PTPRD: variants seen among roughly 807,000 people sequenced by gnomAD.
PTPRD encodes receptor-type tyrosine-protein phosphatase delta.
Under a neutral mutation model 214.5 loss-of-function variants are expected in PTPRD, and 34 were observed. The ratio of observed to expected loss-of-function variants is 0.16; its 90% CI spans 0.12 to 0.21. The LOEUF (loss-of-function observed/expected upper bound fraction) is 0.21, where lower values mean the gene tolerates loss of function less well. PTPRD is among the 10% of genes least tolerant of loss of function. PTPRD has a pLI of 1.00. For synonymous variants in PTPRD, 1,128 were observed against 845.7 expected (o/e 1.33, Z -5.79); for missense variants, 2,545 against 2,398.7 (o/e 1.06, Z -1.27).
intron 9 of PTPRD, among the ~76,000 whole-genome samples, chr9:9,256,023 G>C (rs958125438): frequency 6.6e-6 from 1 of 151,946 alleles, no homozygotes; most frequent in African/African-American, 2.4e-5. Context: ...CCAGATAAAA[G>C]CATAACTTTA....
intron 3 of PTPRD, among the ~76,000 whole-genome samples, chr9:10,075,041 C>A (rs1219323459): frequency 6.6e-6 from 1 of 151,988 alleles, no homozygotes; most frequent in Non-Finnish European, 1.5e-5. Context: ...TTTATAAATT[C>A]ATTCTGTGTG....
intron 7 of PTPRD, among the ~76,000 whole-genome samples, chr9:9,596,705 G>A (rs989254114): frequency 6.6e-6 from 1 of 151,952 alleles, no homozygotes; most frequent in Non-Finnish European, 1.5e-5. Context: ...ATATCCTTCT[G>A]GTTGGTATCT....
At chr9:9,321,770 G>A (rs4466451) in intron 9 of PTPRD, among the ~76,000 whole-genome samples, 111,934 of 152,022 alleles carry the variant, frequency 0.74, 41,467 homozygotes, top group East Asian at 0.93. Context: ...TAGAATGGGA[G>A]TTGTAGCAGG....
At chr9:9,411,818 G>C (rs2075529768) in intron 8 of PTPRD, among the ~76,000 whole-genome samples, 2 of 152,162 alleles carry the variant, frequency 1.3e-5, no homozygotes, top group African/African-American at 4.8e-5. Context: ...GATCCCTAGG[G>C]AATAAATGTG....
chr9:9,418,987 A>C (rs558154434), intron 8 of PTPRD, among the ~76,000 whole-genome samples: 8 of 151,786 alleles, frequency 5.3e-5, no homozygotes, highest in Non-Finnish European at 1.2e-4. Flanking sequence ...TAGATAAGCA[A>C]TAAATGATCA....
intron 5 of PTPRD, among the ~76,000 whole-genome samples, chr9:9,843,278 G>A (rs998558903): frequency 3.3e-5 from 5 of 151,914 alleles, no homozygotes; most frequent in African/African-American, 7.2e-5. Flanking sequence ...TAGGGACTTG[G>A]TTCCGGGCTT....
In PTPRD at chr9:8,782,105, CATA is replaced by C. The variant is rs2154494449; in HGVS notation, c.-103-48162_-103-48160del. ...ATAATGTTTATGGTATAAAACATAC[CATA>C]ATGTTTATGGTATAAAACATACCAT... On this transcript the variant is annotated intron_variant, in intron 11 of 45. Coordinates refer to ENST00000381196, the MANE Select transcript of PTPRD (RefSeq NM_002839.4). Among the ~76,000 whole-genome samples, 3 of 20,540 alleles carry C rather than the reference CATA, an allele frequency of 1.5e-4. No homozygotes were observed. The South Asian group carries it at 4.3e-3, about 30-fold the overall frequency. The allele number at this position is 20,540 out of a possible 152,430, so 13.5% of individuals were successfully genotyped here.
At chr9:9,826,522 T>C (rs928366840) in intron 5 of PTPRD, among the ~76,000 whole-genome samples, 1 of 151,958 alleles carries the variant, frequency 6.6e-6, no homozygotes, top group Non-Finnish European at 1.5e-5. Context: ...TAAAGTAATT[T>C]ATCAAAAAAT....
intron 2 of PTPRD, among the ~76,000 whole-genome samples, chr9:10,551,837 G>A (rs950348381): frequency 1.3e-5 from 2 of 152,094 alleles, no homozygotes; most frequent in African/African-American, 4.8e-5. Context: ...AAAAAAACTA[G>A]TGAAAAATGA....
At position 9,648,212 on chromosome 9, in the gene PTPRD, A is replaced by G. The variant is rs557748667; in HGVS notation, c.-286-73431T>C. On this transcript the variant is annotated intron_variant, in intron 7 of 45. Coordinates refer to ENST00000381196, the MANE Select transcript of PTPRD (RefSeq NM_002839.4). ...ATTTGAATCTATGTATAAATCTTAT[A>G]TAGCCTATTAAAAAAAAAACACTAA... Among the ~76,000 whole-genome samples, 3 of 151,828 alleles carry G rather than the reference A, an allele frequency of 2.0e-5. No individual in the cohort carries two copies. In the East Asian group the frequency reaches 5.8e-4, roughly 29 times the overall value.
chr9:8,474,698 A>G (rs935521096), intron 30 of PTPRD, among the ~76,000 whole-genome samples: 2 of 152,186 alleles, frequency 1.3e-5, no homozygotes, highest in African/African-American at 4.8e-5. Flanking sequence ...CTGGACGTTC[A>G]AACCACCCCA....
intron 12 of PTPRD, among the ~76,000 whole-genome samples, chr9:8,722,677 C>G (rs1490761233): frequency 6.6e-6 from 1 of 152,132 alleles, no homozygotes; most frequent in Non-Finnish European, 1.5e-5. Flanking sequence ...CTATGTTGAC[C>G]ATCACCCTCC....
intron 12 of PTPRD, among the ~76,000 whole-genome samples, chr9:8,656,868 G>C (rs969900933): frequency 3.3e-5 from 5 of 152,166 alleles, no homozygotes; most frequent in African/African-American, 1.2e-4. Context: ...TAAATTCAAA[G>C]AGTGTTACAA....
At position 10,095,129 on chromosome 9, in the gene PTPRD, A is replaced by C. The variant is rs1370323507; in HGVS notation, c.-544-61339T>G. 2.6e-5 allele frequency among the ~76,000 whole-genome samples: 4 copies of C among 151,372 alleles called. No individual in the cohort carries two copies. In the South Asian group the frequency reaches 8.3e-4, roughly 31 times the overall value. Reference sequence around the variant, plus strand: ...AGATATTTTGTCATTTTGCTGTTCAAAAAAAAATCCTGTATATATGAAGTC... The same window carrying C: ...AGATATTTTGTCATTTTGCTGTTCACAAAAAAATCCTGTATATATGAAGTC... On this transcript the variant is annotated intron_variant, in intron 3 of 45. Coordinates refer to ENST00000381196, the MANE Select transcript of PTPRD (RefSeq NM_002839.4).
At chr9:8,976,818 A>G (rs976494573) in intron 11 of PTPRD, among the ~76,000 whole-genome samples, 4 of 152,010 alleles carry the variant, frequency 2.6e-5, no homozygotes, top group African/African-American at 9.7e-5. Flanking sequence ...GATTTTTTGG[A>G]GTGGTTAAAG....
At chr9:8,769,408 G>C (rs1303231820) in intron 11 of PTPRD, among the ~76,000 whole-genome samples, 3 of 152,178 alleles carry the variant, frequency 2.0e-5, no homozygotes, top group Non-Finnish European at 4.4e-5. Context: ...TTTAACCTGA[G>C]AGTGTTTTCA....
At chr9:10,199,021 A>G (rs539398007) in intron 3 of PTPRD, among the ~76,000 whole-genome samples, 11 of 151,804 alleles carry the variant, frequency 7.2e-5, no homozygotes, top group African/African-American at 2.4e-4. Context: ...TAAGATACCT[A>G]CACAGAATTT....
chr9:8,323,067 C>G (rs1254604471), intron 44 of PTPRD, among the ~76,000 whole-genome samples: 1 of 152,136 alleles, frequency 6.6e-6, no homozygotes, highest in East Asian at 1.9e-4. Context: ...AAAGCTCGAC[C>G]TCTTGTACCA....
intron 5 of PTPRD, among the ~76,000 whole-genome samples, chr9:9,789,774 G>A (rs1403830802): frequency 5.3e-5 from 6 of 112,174 alleles, no homozygotes; most frequent in African/African-American, 7.2e-5. Context: ...TCCAGCCTGG[G>A]CAACAGAGCC....
Sources: allele counts gnomAD v4.1 joint callset (sites outside exome capture counted in the v4.1 genomes callset), GRCh38; gene constraint gnomAD v4.1.1; transcripts MANE v1.5; gene names NCBI Gene and HGNC (gene_info 2026-07-23, HGNC 2026-07-21).